PRKAA2: variants seen among roughly 807,000 people sequenced by gnomAD.
PRKAA2 encodes protein kinase AMP-activated catalytic subunit alpha 2, also known as 5'-AMP-activated protein kinase catalytic subunit alpha-2.
PRKAA2 carries 40 observed loss-of-function variants against 56.3 expected under a neutral mutation model. The observed-to-expected ratio is 0.71, with a 90% CI of 0.55 to 0.92. The LOEUF (loss-of-function observed/expected upper bound fraction) is 0.92. PRKAA2 is among the 40% of genes least tolerant of loss of function. The pLI, the probability that PRKAA2 is intolerant of heterozygous loss-of-function variation, is 0.00. For missense variants in PRKAA2, 542 were observed against 686.9 expected (o/e 0.79, Z 2.36); for synonymous variants, 214 against 234.2 (o/e 0.91, Z 0.79).
intron 6 of PRKAA2, among the ~76,000 whole-genome samples, chr1:56,700,333 T>TTAG (rs914874254): frequency 6.6e-6 from 1 of 152,206 alleles, no homozygotes; most frequent in Non-Finnish European, 1.5e-5. Flanking sequence ...GGGTATATCC[T>TTAG]TAGTGCTCCA....
intron 1 of PRKAA2, among the ~76,000 whole-genome samples, chr1:56,662,588 A>G (rs1182197093): frequency 6.6e-6 from 1 of 152,128 alleles, no homozygotes; most frequent in East Asian, 1.9e-4. Flanking sequence ...TGCCCGGCCA[A>G]CTTTATTTTT....
chr1:56,669,975 G>T (rs1177363400), intron 1 of PRKAA2, among the ~76,000 whole-genome samples: 1 of 152,166 alleles, frequency 6.6e-6, no homozygotes, highest in African/African-American at 2.4e-5. Flanking sequence ...CATAGTTCGG[G>T]TGAGTGTGGA....
chr1:56,675,805 T>A (rs1016423057), intron 2 of PRKAA2, among the ~76,000 whole-genome samples: 4 of 152,132 alleles, frequency 2.6e-5, no homozygotes, highest in African/African-American at 9.7e-5. Flanking sequence ...ATCAATAGTA[T>A]AATGTGACAA....
At chr1:56,688,689 A>G (rs959603163) in intron 2 of PRKAA2, among the ~76,000 whole-genome samples, 1 of 152,258 alleles carries the variant, frequency 6.6e-6, no homozygotes, top group Non-Finnish European at 1.5e-5. Context: ...GTGAGACCAA[A>G]CAACAGAGAT....
At chr1:56,703,385 G>T (rs905391066) in intron 6 of PRKAA2, among the ~76,000 whole-genome samples, 1 of 152,016 alleles carries the variant, frequency 6.6e-6, no homozygotes, top group African/African-American at 2.4e-5. Flanking sequence ...AAAAAAAATT[G>T]TGAGAAGAAT....
intron 1 of PRKAA2, among the ~76,000 whole-genome samples, chr1:56,658,651 G>A: frequency 7.4e-6 from 1 of 135,478 alleles, no homozygotes. Flanking sequence ...TCACTCTGTT[G>A]CCCAGGCTGG....
chr1:56,663,447 G>T (rs941686878), intron 1 of PRKAA2, among the ~76,000 whole-genome samples: 2 of 152,182 alleles, frequency 1.3e-5, no homozygotes, highest in Non-Finnish European at 2.9e-5. Context: ...CCTCTTGGTA[G>T]CCATTGTCAG....
At chr1:56,668,904 T>A (rs2100398769) in intron 1 of PRKAA2, among the ~76,000 whole-genome samples, 1 of 152,318 alleles carries the variant, frequency 6.6e-6, no homozygotes, top group African/African-American at 2.4e-5. Flanking sequence ...TTCTGTGTCT[T>A]GTATATAAAG....
In PRKAA2 at chr1:56,668,509, T is replaced by A. The variant is rs1298976794; in HGVS notation, c.95-5872T>A. ...CTTTTTGTGGACTGAAGCTTCATTT[T>A]CTTTGGGCTAGTTCAAATTATTATG... On this transcript the variant is annotated intron_variant, in intron 1 of 8. Coordinates refer to ENST00000371244, the MANE Select transcript of PRKAA2 (RefSeq NM_006252.4). 2.0e-5 allele frequency among the ~76,000 whole-genome samples: 3 copies of A among 152,286 alleles called. No homozygotes were observed. The East Asian group carries it at 5.8e-4, about 29-fold the overall frequency.
intron 1 of PRKAA2, 78 bp downstream of exon 1, chr1:56,645,559 C>T: frequency 1.5e-6 from 2 of 1,326,140 alleles, no homozygotes; most frequent in Non-Finnish European, 2.0e-6. Context: ...GAGCCCCGGG[C>T]CTCCGGCGGG....
chr1:56,690,634 C>A (rs188023208), intron 2 of PRKAA2, among the ~76,000 whole-genome samples: 3 of 151,930 alleles, frequency 2.0e-5, no homozygotes, highest in Admixed American at 2.0e-4. Flanking sequence ...TTACTTTTAA[C>A]GTATAGTTTA....
chr1:56,659,788 G>C (rs1301457188), intron 1 of PRKAA2, among the ~76,000 whole-genome samples: 1 of 152,030 alleles, frequency 6.6e-6, no homozygotes, highest in East Asian at 1.9e-4. Flanking sequence ...CGTGCCTATA[G>C]TCCCAGCGAC....
In PRKAA2 at chr1:56,705,983, A is replaced by G. The variant is rs1042225229; in HGVS notation, c.1294-109A>G. On this transcript the variant is annotated intron_variant, in intron 7 of 8. Coordinates refer to ENST00000371244, the MANE Select transcript of PRKAA2 (RefSeq NM_006252.4). ...GAACTACCAGTAATATAAAAAAATT[A>G]TTCGTATTCCTTTCCTACCTCACCC... 6 of 911,830 alleles carry G rather than the reference A, an allele frequency of 6.6e-6. No homozygotes were observed. In the African/African-American group the frequency reaches 8.4e-5, roughly 13 times the overall value. The allele number at this position is 911,830 out of a possible 1,614,324, so 56.5% of individuals were successfully genotyped here.
At chr1:56,683,769 C>T (rs1644172618) in intron 2 of PRKAA2, among the ~76,000 whole-genome samples, 2 of 152,004 alleles carry the variant, frequency 1.3e-5, no homozygotes. Context: ...GTAGAAATTC[C>T]TGCAGGTCAG....
At chr1:56,664,776 T>C (rs1177587698) in intron 1 of PRKAA2, among the ~76,000 whole-genome samples, 1 of 151,842 alleles carries the variant, frequency 6.6e-6, no homozygotes, top group Non-Finnish European at 1.5e-5. Flanking sequence ...GGAACTCTTG[T>C]AGAATTTAAA....
chr1:56,662,962 T>C (rs930636826), intron 1 of PRKAA2, among the ~76,000 whole-genome samples: 1 of 152,180 alleles, frequency 6.6e-6, no homozygotes, highest in African/African-American at 2.4e-5. Flanking sequence ...TGGCTAACTT[T>C]CCCAAAACAC....
At position 56,709,061 on chromosome 1, in the gene PRKAA2, G is replaced by T. The variant is rs1283334179; in HGVS notation, c.*1348G>T. ...GTAAAAGTATTTAATTTTAAATTCT[G>T]TGTAATTTATCTAATTTGTATTTAT... On this transcript the variant is annotated 3_prime_UTR_variant, in exon 9 of 9. Transcript: ENST00000371244. 1 of 151,810 alleles carries T rather than the reference G, an allele frequency of 6.6e-6. No homozygotes were observed. The highest frequency in any genetic ancestry group is 1.5e-5 in the Non-Finnish European group (1 of 67,950). The allele number at this position is 151,810 out of a possible 1,614,324, so 9.4% of individuals were successfully genotyped here.
intron 6 of PRKAA2, among the ~76,000 whole-genome samples, chr1:56,702,302 C>T (rs972910624): frequency 3.3e-5 from 5 of 152,092 alleles, no homozygotes; most frequent in African/African-American, 4.8e-5. Context: ...AGGCCGGTCT[C>T]GAACTCCCGA....
At chr1:56,668,422 A>G (rs1202198890) in intron 1 of PRKAA2, among the ~76,000 whole-genome samples, 1 of 151,924 alleles carries the variant, frequency 6.6e-6, no homozygotes, top group African/African-American at 2.4e-5. Flanking sequence ...AAAAAAAAAA[A>G]AAAAGAAATA....
Sources: allele counts gnomAD v4.1 joint callset (sites outside exome capture counted in the v4.1 genomes callset), GRCh38; gene constraint gnomAD v4.1.1; transcripts MANE v1.5; gene names NCBI Gene and HGNC (gene_info 2026-07-23, HGNC 2026-07-21).